XYLT1: variants seen among roughly 807,000 people sequenced by gnomAD.
The protein encoded by XYLT1 is beta-D-xylosyltransferase 1.
In XYLT1, 36 loss-of-function variants were observed where a neutral mutation model predicts 91.3. The ratio of observed to expected loss-of-function variants is 0.39; its 90% CI spans 0.30 to 0.52. The LOEUF (loss-of-function observed/expected upper bound fraction) is 0.52. XYLT1 is among the 20% of genes least tolerant of loss of function. The probability of loss-of-function intolerance (pLI) is 0.68; values close to 1 mark genes in which losing one functional copy is unlikely to be tolerated. For synonymous variants in XYLT1, 588 were observed against 532.0 expected (o/e 1.11, Z -1.45); for missense variants, 1,242 against 1,284.5 (o/e 0.97, Z 0.51).
intron 2 of XYLT1, among the ~76,000 whole-genome samples, chr16:17,301,587 T>C (rs933091784): frequency 3.9e-5 from 6 of 152,318 alleles, no homozygotes; most frequent in African/African-American, 4.8e-5. Flanking sequence ...TGAGTAATAC[T>C]GAGCTAAAGT....
chr16:17,133,331 A>T (rs2030569381), intron 9 of XYLT1, among the ~76,000 whole-genome samples: 1 of 152,234 alleles, frequency 6.6e-6, no homozygotes, highest in South Asian at 2.1e-4. Flanking sequence ...TTAAATGAAC[A>T]AGAAAAAGAA....
At chr16:17,330,725 C>T (rs1007633920) in intron 2 of XYLT1, among the ~76,000 whole-genome samples, 1 of 150,900 alleles carries the variant, frequency 6.6e-6, no homozygotes, top group Non-Finnish European at 1.5e-5. Flanking sequence ...ACCCGGGAGG[C>T]GGAGGTAGTA....
intron 10 of XYLT1, among the ~76,000 whole-genome samples, chr16:17,120,448 G>T (rs9923657): frequency 0.66 from 99,280 of 151,228 alleles, 33,310 homozygotes; most frequent in Non-Finnish European, 0.71. Flanking sequence ...CACCTCATCC[G>T]GAAGGGCTCT....
chr16:17,191,942 T>C (rs1395055436), intron 5 of XYLT1, among the ~76,000 whole-genome samples: 1 of 152,140 alleles, frequency 6.6e-6, no homozygotes, highest in Admixed American at 6.5e-5. Context: ...CTGCCCCACA[T>C]GTGCAAACGT....
intron 1 of XYLT1, among the ~76,000 whole-genome samples, chr16:17,414,616 G>A (rs2036156864): frequency 6.6e-6 from 1 of 152,230 alleles, no homozygotes; most frequent in South Asian, 2.1e-4. Context: ...CCCACAGGAA[G>A]CCCTGACACA....
intron 2 of XYLT1, among the ~76,000 whole-genome samples, chr16:17,342,404 T>C (rs769109461): frequency 5.3e-5 from 8 of 151,968 alleles, no homozygotes; most frequent in African/African-American, 9.7e-5. Flanking sequence ...CATGCTCTCA[T>C]CGCCATCTGA....
intron 1 of XYLT1, among the ~76,000 whole-genome samples, chr16:17,437,278 C>G (rs574997029): frequency 2.0e-5 from 3 of 152,316 alleles, no homozygotes; most frequent in African/African-American, 7.2e-5. Context: ...CCGGAACCAT[C>G]TGGGCCCGTG....
intron 2 of XYLT1, among the ~76,000 whole-genome samples, chr16:17,334,734 T>C (rs1328135189): frequency 1.3e-5 from 2 of 152,060 alleles, no homozygotes; most frequent in African/African-American, 4.8e-5. Context: ...ATACAAAAAA[T>C]TAGCCAGGCG....
At chr16:17,246,356 G>A (rs2033435525) in intron 3 of XYLT1, among the ~76,000 whole-genome samples, 1 of 152,180 alleles carries the variant, frequency 6.6e-6, no homozygotes, top group Non-Finnish European at 1.5e-5. Flanking sequence ...CTGCAGAGAT[G>A]GAGAGTAACA....
intron 3 of XYLT1, among the ~76,000 whole-genome samples, chr16:17,219,260 G>A (rs1477208144): frequency 8.5e-6 from 1 of 117,892 alleles, no homozygotes; most frequent in African/African-American, 3.4e-5. Flanking sequence ...CAGCCTGGGC[G>A]ACTAAGCAAG....
chr16:17,115,799 T>TA (rs147928536), intron 11 of XYLT1, among the ~76,000 whole-genome samples: 5,148 of 13,518 alleles, frequency 0.38, 490 homozygotes, highest in African/African-American at 0.45. Context: ...CTCTGTTATA[T>TA]TAAAAAAAAA....
intron 1 of XYLT1, among the ~76,000 whole-genome samples, chr16:17,444,155 T>C (rs2036564808): frequency 6.6e-6 from 1 of 152,188 alleles, no homozygotes; most frequent in African/African-American, 2.4e-5. Flanking sequence ...TAAGTGCGAA[T>C]ATCACCTCCT....
At chr16:17,290,971 G>A (rs1470999701) in intron 2 of XYLT1, among the ~76,000 whole-genome samples, 1 of 152,172 alleles carries the variant, frequency 6.6e-6, no homozygotes, top group Non-Finnish European at 1.5e-5. Context: ...CACGGTCTCT[G>A]TCACCCAGGC....
chr16:17,203,007 G>A (rs1359440091), intron 3 of XYLT1, among the ~76,000 whole-genome samples: 3 of 152,014 alleles, frequency 2.0e-5, no homozygotes, highest in Admixed American at 6.6e-5. Flanking sequence ...TATTATCCCC[G>A]CTTTCCAAAT....
chr16:17,141,763 T>A (rs1282545411), intron 6 of XYLT1, among the ~76,000 whole-genome samples: 1 of 152,170 alleles, frequency 6.6e-6, no homozygotes, highest in Non-Finnish European at 1.5e-5. Flanking sequence ...TGGACCCTTG[T>A]CTCAGAATAG....
chr16:17,398,834 T>TTTTG (rs1555454030), intron 1 of XYLT1, among the ~76,000 whole-genome samples: 2 of 98,220 alleles, frequency 2.0e-5, no homozygotes, highest in Non-Finnish European at 3.8e-5. Context: ...CCCCACTGTT[T>TTTTG]TTTTGTTTTG....
chr16:17,184,886 C>A (rs2032150289), intron 5 of XYLT1, among the ~76,000 whole-genome samples: 2 of 152,162 alleles, frequency 1.3e-5, no homozygotes, highest in Non-Finnish European at 2.9e-5. Flanking sequence ...AAAGAGAAAG[C>A]AAACAAAATA....
chr16:17,462,229 G>T (rs757285951), intron 1 of XYLT1, among the ~76,000 whole-genome samples: 6 of 152,186 alleles, frequency 3.9e-5, no homozygotes, highest in Non-Finnish European at 5.9e-5. Context: ...ACTAGGCCTG[G>T]GACAGGACAA....
At chr16:17,191,677 A>G (rs2032313169) in intron 5 of XYLT1, among the ~76,000 whole-genome samples, 2 of 152,184 alleles carry the variant, frequency 1.3e-5, no homozygotes. Context: ...GACTGTAGAG[A>G]AGCCCTGGCC....
Sources: allele counts gnomAD v4.1 joint callset (sites outside exome capture counted in the v4.1 genomes callset), GRCh38; gene constraint gnomAD v4.1.1; transcripts MANE v1.5; gene names NCBI Gene and HGNC (gene_info 2026-07-23, HGNC 2026-07-21).